WBP1L: variants seen among roughly 807,000 people sequenced by gnomAD.
WBP1L encodes WW domain binding protein 1-like.
WBP1L carries 17 observed loss-of-function variants against 33.7 expected under a neutral mutation model. That is an observed-to-expected ratio of 0.50 (90% CI 0.34 to 0.76). The LOEUF (loss-of-function observed/expected upper bound fraction) is 0.76, where lower values mean the gene tolerates loss of function less well. WBP1L is among the 30% of genes least tolerant of loss of function. The pLI, the probability that WBP1L is intolerant of heterozygous loss-of-function variation, is 0.01. For missense variants in WBP1L, 389 were observed against 469.4 expected (o/e 0.83, Z 1.58); for synonymous variants, 173 against 190.8 (o/e 0.91, Z 0.77).
intron 1 of WBP1L, among the ~76,000 whole-genome samples, chr10:102,778,561 A>T (rs1009152962): frequency 6.6e-6 from 1 of 152,204 alleles, no homozygotes; most frequent in African/African-American, 2.4e-5. Flanking sequence ...CTTGTGTCTG[A>T]ACAGTTGCCT....
At chr10:102,751,392 A>G (rs1842923066) in intron 1 of WBP1L, among the ~76,000 whole-genome samples, 1 of 149,106 alleles carries the variant, frequency 6.7e-6, no homozygotes, top group African/African-American at 2.5e-5. Context: ...ATCTCAGCTC[A>G]CTGCAATCTC....
intron 1 of WBP1L, among the ~76,000 whole-genome samples, chr10:102,775,979 C>G (rs1250601603): frequency 6.6e-6 from 1 of 152,210 alleles, no homozygotes; most frequent in Non-Finnish European, 1.5e-5. Context: ...CCATCTGCAG[C>G]CCCCACCATC....
intron 1 of WBP1L, among the ~76,000 whole-genome samples, chr10:102,757,569 C>CTT (rs60213859): frequency 0.22 from 19,366 of 88,442 alleles, 2,956 homozygotes; most frequent in East Asian, 0.39. Flanking sequence ...GTTTCTGAGC[C>CTT]TTTTTTTTTT....
chr10:102,757,887 C>CTTTTTTT, intron 1 of WBP1L, among the ~76,000 whole-genome samples: 1 of 25,366 alleles, frequency 3.9e-5, no homozygotes, highest in Non-Finnish European at 6.7e-5. Context: ...CCCCCCCCCC[C>CTTTTTTT]TTTTTTTTTT....
intron 1 of WBP1L, among the ~76,000 whole-genome samples, chr10:102,779,222 G>T (rs1467458398): frequency 6.6e-6 from 1 of 151,590 alleles, no homozygotes; most frequent in Non-Finnish European, 1.5e-5. Context: ...CTTAAACCCG[G>T]GAGGGGAAGG....
At position 102,768,931 on chromosome 10, in the gene WBP1L, A is replaced by G. The variant is rs998444536; in HGVS notation, c.90+24788A>G. Among the ~76,000 whole-genome samples the G allele has an allele frequency of 8.7e-4, 131 of 150,106 alleles. 2 individuals carry two copies. The highest frequency in any genetic ancestry group is 8.7e-3 in the Admixed American group (131 of 15,106). ...TCTTGATCTCCTGACCTCGTGATCC[A>G]CCTGCCTCAGCCTCCCAAAGTGCTG... On this transcript the variant is annotated intron_variant, in intron 1 of 3. Coordinates refer to ENST00000448841, the MANE Select transcript of WBP1L (RefSeq NM_001083913.2).
intron 1 of WBP1L, among the ~76,000 whole-genome samples, chr10:102,775,762 AC>A (rs1481525159): frequency 6.6e-6 from 1 of 152,088 alleles, no homozygotes; most frequent in Non-Finnish European, 1.5e-5. Context: ...TTTACTGAGC[AC>A]CGACTCTGGC....
intron 1 of WBP1L, among the ~76,000 whole-genome samples, chr10:102,764,991 G>T (rs1843090258): frequency 1.3e-5 from 2 of 152,148 alleles, no homozygotes; most frequent in South Asian, 4.1e-4. Context: ...TTAGACCATG[G>T]CCCAGCTCTG....
At chr10:102,792,582 TTTTTC>T (rs1843516200) in intron 1 of WBP1L, among the ~76,000 whole-genome samples, 1 of 147,824 alleles carries the variant, frequency 6.8e-6, no homozygotes, top group Non-Finnish European at 1.5e-5. Flanking sequence ...GTTACTTTTT[TTTTTC>T]TTTTCTTTTT....
chr10:102,774,385 A>G (rs991267302), intron 1 of WBP1L, among the ~76,000 whole-genome samples: 1 of 152,216 alleles, frequency 6.6e-6, no homozygotes, highest in Non-Finnish European at 1.5e-5. Context: ...CACCGGCAGC[A>G]GCAGGAGCCA....
intron 3 of WBP1L, 39 bp downstream of exon 3, chr10:102,810,093 T>C (rs747148800): frequency 6.4e-7 from 1 of 1,573,236 alleles, no homozygotes; most frequent in Non-Finnish European, 8.6e-7. Flanking sequence ...CCTCAGGAGC[T>C]CAGGTGCACA....
intron 1 of WBP1L, among the ~76,000 whole-genome samples, chr10:102,766,097 C>T (rs987061685): frequency 4.0e-5 from 6 of 151,746 alleles, no homozygotes; most frequent in Non-Finnish European, 7.4e-5. Flanking sequence ...CCTAGGAGTT[C>T]GAGACCAGCC....
At chr10:102,789,509 C>A (rs1006590526) in intron 1 of WBP1L, among the ~76,000 whole-genome samples, 1 of 152,202 alleles carries the variant, frequency 6.6e-6, no homozygotes, top group African/African-American at 2.4e-5. Flanking sequence ...CAGGGCTCTA[C>A]TCAGATGTCA....
rs1842829533 is a variant in WBP1L at position 102,744,034 on chromosome 10, G to C, written c.-20G>C. On this transcript the variant is annotated 5_prime_UTR_variant, in exon 1 of 4. Coordinates refer to ENST00000448841, the MANE Select transcript of WBP1L (RefSeq NM_001083913.2). ...AGGGAGGTGGCGGCGCCGTGGCGGA[G>C]GAGCAGGAGCAGGAGGGGGATGGAG... is the stretch of plus-strand genomic sequence containing the variant. 1 of 1,532,472 alleles carries C rather than the reference G, an allele frequency of 6.5e-7. No homozygotes were observed. The highest frequency in any genetic ancestry group is 2.0e-5 in the Admixed American group (1 of 50,264). 94.9% of individuals were successfully genotyped at this position (1,532,472 alleles called of 1,614,324 possible).
chr10:102,751,313 TTTTC>T (rs1242366635), intron 1 of WBP1L, among the ~76,000 whole-genome samples: 1 of 114,192 alleles, frequency 8.8e-6, no homozygotes, highest in Non-Finnish European at 1.8e-5. Context: ...AGGTTTTCTT[TTTTC>T]TTTCCTTTTT....
chr10:102,778,299 C>T (rs1843293246), intron 1 of WBP1L, among the ~76,000 whole-genome samples: 1 of 152,204 alleles, frequency 6.6e-6, no homozygotes, highest in African/African-American at 2.4e-5. Flanking sequence ...GGGGAGTGAG[C>T]TCTTGCATCT....
chr10:102,776,853 T>C (rs979123685), intron 1 of WBP1L, among the ~76,000 whole-genome samples: 3 of 151,942 alleles, frequency 2.0e-5, no homozygotes, highest in African/African-American at 7.3e-5. Flanking sequence ...GGGGGTGGGG[T>C]GAGGGCTCCG....
At chr10:102,744,413 G>A in intron 1 of WBP1L, 1 of 985,412 alleles carries the variant, frequency 1.0e-6, no homozygotes, top group South Asian at 4.7e-5. Context: ...GGTGACTGTG[G>A]CTGGATAGCG....
intron 1 of WBP1L, among the ~76,000 whole-genome samples, chr10:102,753,955 C>T (rs1842947455): frequency 6.6e-6 from 1 of 152,124 alleles, no homozygotes; most frequent in Non-Finnish European, 1.5e-5. Flanking sequence ...AGAAAATATT[C>T]GTATTTTTCA....
Sources: allele counts gnomAD v4.1 joint callset (sites outside exome capture counted in the v4.1 genomes callset), GRCh38; gene constraint gnomAD v4.1.1; transcripts MANE v1.5; gene names NCBI Gene and HGNC (gene_info 2026-07-23, HGNC 2026-07-21).